Variants in ERICH1 observed in about 807,000 individuals in gnomAD.
ERICH1 encodes the protein glutamate-rich protein 1.
ERICH1 carries 56 observed loss-of-function variants against 39.6 expected under a neutral mutation model. The ratio of observed to expected loss-of-function variants is 1.41; its 90% CI spans 1.14 to 1.77. ERICH1 has a LOEUF of 1.77. Among genes scored for constraint, ERICH1 ranks in the 40% most tolerant of loss-of-function variants. The pLI, the probability that ERICH1 is intolerant of heterozygous loss-of-function variation, is 0.00. For synonymous variants in ERICH1, 313 were observed against 223.6 expected (o/e 1.40, Z -3.57); for missense variants, 826 against 575.4 (o/e 1.44, Z -4.45).
intron 3 of ERICH1, among the ~76,000 whole-genome samples, chr8:685,120 ATAAGGCAG>A: frequency 6.6e-6 from 1 of 152,236 alleles, no homozygotes; most frequent in Non-Finnish European, 1.5e-5. Flanking sequence ...CTACAACTGC[ATAAGGCAG>A]ACACCCCCAG....
At chr8:720,456 T>G (rs965435275) in intron 1 of ERICH1, among the ~76,000 whole-genome samples, 1 of 152,204 alleles carries the variant, frequency 6.6e-6, no homozygotes, top group Non-Finnish European at 1.5e-5. Flanking sequence ...TACTTAAGAA[T>G]GCAGGAAAAC....
chr8:640,616 T>C (rs1798870193), intron 3 of ERICH1: 1 of 152,218 alleles, frequency 6.6e-6, no homozygotes, highest in Non-Finnish European at 1.5e-5. Flanking sequence ...CACCTGGAAT[T>C]ATCACAGGGT....
intron 3 of ERICH1, chr8:656,815 TC>T (rs1425124866): frequency 2.0e-6 from 2 of 985,456 alleles, no homozygotes; most frequent in East Asian, 2.3e-4. Context: ...CAGGACTCCC[TC>T]ACTCTGAAGA....
intron 5 of ERICH1, chr8:667,916 T>C (rs1166907620): frequency 6.5e-6 from 1 of 153,414 alleles, no homozygotes; most frequent in East Asian, 1.9e-4. Context: ...CCACCTTCAC[T>C]CCTCCTCTGG....
chr8:719,554 A>G (rs1014294745), intron 1 of ERICH1, among the ~76,000 whole-genome samples: 3 of 152,116 alleles, frequency 2.0e-5, no homozygotes, highest in Non-Finnish European at 4.4e-5. Context: ...TTCATAACCA[A>G]CAAACACTGT....
At chr8:685,363 C>G (rs1807087311) in intron 3 of ERICH1, among the ~76,000 whole-genome samples, 1 of 152,206 alleles carries the variant, frequency 6.6e-6, no homozygotes, top group African/African-American at 2.4e-5. Context: ...GTTCTTTTGT[C>G]AAGATGCCCA....
Position 673,442 on chromosome 8 carries a change from C to T in ERICH1, c.910G>A (p.Glu304Lys). The change falls in exon 4 of 6, where the codon GAA becomes AAA. Residue 304 changes from glutamate (E) to lysine (K), a missense_variant. Physicochemically the swap from Glu to Lys is moderately conservative, Grantham distance 56 (BLOSUM62 1). Coordinates refer to ENST00000262109, the MANE Select transcript of ERICH1 (RefSeq NM_207332.3). Reference protein sequence around the residue: ...REEDGADASEEDPTWAGEEEG... With the variant: ...REEDGADASEKDPTWAGEEEG... ...TCCTCCCCAGCCCATGTCGGGTCTT[C>T]CTCGCTGGCGTCCGCACCGTCCTCC... is the stretch of plus-strand genomic sequence containing the variant. 3 of 1,614,034 alleles carry T rather than the reference C, an allele frequency of 1.9e-6. No individual in the cohort carries two copies. Among genetic ancestry groups the T allele is most frequent in the Non-Finnish European group, 2.5e-6 (3 of 1,179,968 alleles).
chr8:721,476 G>T (rs1327823586), intron 1 of ERICH1, among the ~76,000 whole-genome samples: 1 of 152,230 alleles, frequency 6.6e-6, no homozygotes, highest in African/African-American at 2.4e-5. Context: ...GAGCTGACAA[G>T]CGCCGAGCGT....
At chr8:668,506 C>T in intron 5 of ERICH1, 92 bp downstream of exon 5, 1 of 1,354,114 alleles carries the variant, frequency 7.4e-7, no homozygotes, top group Non-Finnish European at 1.1e-6. Flanking sequence ...TTTTCCAACT[C>T]ATTGCTGTTT....
At chr8:659,977 G>A (rs770952795), downstream of ERICH1, among the ~76,000 whole-genome samples, 4 of 152,218 alleles carry the variant, frequency 2.6e-5, no homozygotes, top group Admixed American at 6.5e-5. Context: ...TCCCTTACAA[G>A]GATCCTGGCC....
At position 668,884 on chromosome 8, in the gene ERICH1, C is replaced by T. The variant is rs188645650; in HGVS notation, c.1064-92G>A. 6.0e-5 allele frequency: 68 copies of T among 1,141,972 alleles called. No individual in the cohort carries two copies. The Admixed American group carries it at 9.9e-4, about 17-fold the overall frequency. 70.7% of individuals were successfully genotyped at this position (1,141,972 alleles called of 1,614,324 possible). A position where few individuals can be genotyped will look rare whatever the true frequency, so the allele number is the denominator to read the frequency against. On this transcript the variant is annotated intron_variant, in intron 4 of 5. Transcript: ENST00000262109. ...TTCCTCTCTTAAGGAAGGTCTCAAA[C>T]CTACGCTTCCACACAGAATGACATA...
chr8:619,303 G>A (rs936857684), intron 3 of ERICH1, among the ~76,000 whole-genome samples: 14 of 152,248 alleles, frequency 9.2e-5, no homozygotes, highest in African/African-American at 3.4e-4. Context: ...CGCACGAGGG[G>A]GGCCCGGTGA....
intron 3 of ERICH1, among the ~76,000 whole-genome samples, chr8:619,309 G>A (rs57338560): frequency 0.16 from 24,393 of 152,126 alleles, 2,174 homozygotes; most frequent in East Asian, 0.32. Context: ...AGGGGGGCCC[G>A]GTGAGACCTA....
chr8:637,929 G>A (rs778346790), intron 3 of ERICH1, among the ~76,000 whole-genome samples: 1 of 152,238 alleles, frequency 6.6e-6, no homozygotes, highest in Non-Finnish European at 1.5e-5. Flanking sequence ...CAGGGGCCAG[G>A]CTTTCTGCTG....
chr8:619,085 C>A (rs1017962626), intron 3 of ERICH1, among the ~76,000 whole-genome samples: 1 of 152,102 alleles, frequency 6.6e-6, no homozygotes, highest in Middle Eastern at 3.2e-3. Context: ...CCAAGCCCAT[C>A]GAGAAAATGG....
At chr8:689,716 G>T (rs1808473417) in intron 3 of ERICH1, among the ~76,000 whole-genome samples, 1 of 152,192 alleles carries the variant, frequency 6.6e-6, no homozygotes, top group African/African-American at 2.4e-5. Context: ...CTGCTGGGAA[G>T]GTGCCCAGCG....
intron 3 of ERICH1, among the ~76,000 whole-genome samples, chr8:634,191 CA>C (rs889597437): frequency 5.2e-4 from 68 of 129,916 alleles, no homozygotes; most frequent in African/African-American, 1.0e-3. Flanking sequence ...AAAAAACAAA[CA>C]AAAAAAACCC....
intron 3 of ERICH1, among the ~76,000 whole-genome samples, chr8:689,885 T>G (rs1808519467): frequency 1.3e-5 from 2 of 152,184 alleles, no homozygotes; most frequent in Admixed American, 6.5e-5. Flanking sequence ...AGGGCAGTGT[T>G]CCTACGACGC....
chr8:664,684 G>A lies in ERICH1; in HGVS notation c.1259-8C>T, dbSNP rs760110981. ...AGATTACTCTGGCATGGTCTAGAAA[G>A]CAAAAAACACAAAACAAAAAATAAA... On this transcript the variant is annotated splice_polypyrimidine_tract_variant and splice_region_variant and intron_variant, in intron 5 of 5. Coordinates refer to ENST00000262109, the MANE Select transcript of ERICH1 (RefSeq NM_207332.3). 2 of 1,590,280 alleles carry A rather than the reference G, an allele frequency of 1.3e-6. No individual in the cohort carries two copies. Among genetic ancestry groups the A allele is most frequent in the South Asian group, 1.1e-5 (1 of 87,694 alleles).
Sources: allele counts gnomAD v4.1 joint callset (sites outside exome capture counted in the v4.1 genomes callset), GRCh38; gene constraint gnomAD v4.1.1; transcripts MANE v1.5; gene names NCBI Gene and HGNC (gene_info 2026-07-23, HGNC 2026-07-21).